Variants in RBFOX1 observed in about 807,000 individuals in gnomAD.
The protein encoded by RBFOX1 is RNA binding fox-1 homolog 1.
In RBFOX1, 8 loss-of-function variants were observed where a neutral mutation model predicts 57.7. That is an observed-to-expected ratio of 0.14 (90% confidence interval 0.08 to 0.25). RBFOX1 has a LOEUF of 0.25. Among genes scored for constraint, RBFOX1 ranks in the 10% least tolerant of loss-of-function variants. RBFOX1 has a pLI of 1.00. For missense variants in RBFOX1, 611 were observed against 548.5 expected, an observed-to-expected ratio of 1.11 and a Z score of -1.14; for synonymous variants, 326 against 222.4, an observed-to-expected ratio of 1.47 and a Z score of -4.15.
chr16:5,596,871 T>A (rs2047199926), intron 2 of RBFOX1, among the ~76,000 whole-genome samples: 1 of 141,518 alleles, frequency 7.1e-6, no homozygotes, highest in African/African-American at 2.6e-5. Context: ...GCAGGGGACA[T>A]CATTTGTGTT....
chr16:6,977,937 G>GAA (rs1555705863), intron 3 of RBFOX1, among the ~76,000 whole-genome samples: 7 of 79,468 alleles, frequency 8.8e-5, no homozygotes, highest in South Asian at 8.0e-4. Flanking sequence ...CCTCCCCAGG[G>GAA]AAAAAAAAAA....
chr16:7,398,446 T>C lies in RBFOX1; in HGVS notation c.28-119701T>C, dbSNP rs577806585. Among the ~76,000 whole-genome samples the C allele has an allele frequency of 4.8e-4, 73 of 152,356 alleles. 2 individuals are homozygous for C. The South Asian group carries it at 0.015, about 31-fold the overall frequency. On this transcript the variant is annotated intron_variant, in intron 4 of 15. Transcript: ENST00000550418. Reference sequence around the variant, plus strand: ...TTAAAGAATCTCAATATATGGTGGCTATGATTATTGCTATTCTTATATTAA... The same window carrying C: ...TTAAAGAATCTCAATATATGGTGGCCATGATTATTGCTATTCTTATATTAA...
chr16:7,284,551 G>A (rs919735368), intron 4 of RBFOX1, among the ~76,000 whole-genome samples: 2 of 152,024 alleles, frequency 1.3e-5, no homozygotes, highest in Non-Finnish European at 2.9e-5. Flanking sequence ...GATTGATCTC[G>A]ATCTCCTGGC....
chr16:6,691,185 C>T (rs551374090), intron 3 of RBFOX1, among the ~76,000 whole-genome samples: 1 of 152,274 alleles, frequency 6.6e-6, no homozygotes, highest in South Asian at 2.1e-4. Context: ...CTGCTATTAG[C>T]TGTGGGGGAG....
In RBFOX1 at chr16:5,577,589, A is replaced by G. The variant is rs562657810; in HGVS notation, c.259-21313A>G. On this transcript the variant is annotated intron_variant, in intron 2 of 2. Transcript: ENST00000585867. ...ATGTGCCCCACAAATGATTTTAACCACTATTCTGTTACTACATGTTTGCAA... is the reference window on the plus strand; with the variant it reads ...ATGTGCCCCACAAATGATTTTAACCGCTATTCTGTTACTACATGTTTGCAA... 5.3e-5 allele frequency among the ~76,000 whole-genome samples: 8 copies of G among 152,186 alleles called. No individual in the cohort carries two copies. The South Asian group carries it at 8.3e-4, about 16-fold the overall frequency.
At chr16:5,316,098 C>T (rs1005493871) in intron 1 of RBFOX1, among the ~76,000 whole-genome samples, 1 of 152,236 alleles carries the variant, frequency 6.6e-6, no homozygotes, top group Admixed American at 6.5e-5. Context: ...CAGCAAACCA[C>T]ACTCCCCTGC....
chr16:7,478,943 T>C (rs1015804578), intron 4 of RBFOX1, among the ~76,000 whole-genome samples: 3 of 151,978 alleles, frequency 2.0e-5, no homozygotes, highest in African/African-American at 7.3e-5. Flanking sequence ...TTTCGTTTGT[T>C]CCCGTGCGGA....
At position 5,375,740 on chromosome 16, in the gene RBFOX1, G is replaced by A. The variant is rs147974409; in HGVS notation, c.220-91476G>A. ...AATGGGAAACATCTTTGGTGGTGGT[G>A]GGCCGGATTTGGCCTGCCAGCTGCA... On this transcript the variant is annotated intron_variant, in intron 1 of 2. Coordinates refer to the RBFOX1 transcript ENST00000585867. Among the ~76,000 whole-genome samples, 30 of 152,330 alleles carry A rather than the reference G, an allele frequency of 2.0e-4. No individual in the cohort carries two copies. In the East Asian group the frequency reaches 5.6e-3, roughly 28 times the overall value.
chr16:5,372,071 C>T (rs1331276092), intron 1 of RBFOX1, among the ~76,000 whole-genome samples: 1 of 152,218 alleles, frequency 6.6e-6, no homozygotes, highest in Admixed American at 6.5e-5. Context: ...TCCATGCCGG[C>T]TTCAGATATT....
At chr16:6,933,941 G>T (rs1249008099) in intron 3 of RBFOX1, among the ~76,000 whole-genome samples, 1 of 152,102 alleles carries the variant, frequency 6.6e-6, no homozygotes, top group Non-Finnish European at 1.5e-5. Flanking sequence ...ACAACAACAT[G>T]GTATTGAAAA....
chr16:5,929,975 G>A (rs1303197583), intron 4 of RBFOX1, among the ~76,000 whole-genome samples: 2 of 152,080 alleles, frequency 1.3e-5, no homozygotes, highest in East Asian at 2.0e-4. Flanking sequence ...CAGGAAAGGA[G>A]AAAGACGGAT....
At chr16:5,772,875 G>A (rs56322241) in intron 3 of RBFOX1, among the ~76,000 whole-genome samples, 1 of 152,142 alleles carries the variant, frequency 6.6e-6, no homozygotes, top group Non-Finnish European at 1.5e-5. Context: ...GAGGTCAAGA[G>A]TAGACCAGTA....
At chr16:6,522,765 T>C (rs1479685131) in intron 2 of RBFOX1, among the ~76,000 whole-genome samples, 1 of 152,204 alleles carries the variant, frequency 6.6e-6, no homozygotes, top group Non-Finnish European at 1.5e-5. Flanking sequence ...TAACCCATTT[T>C]TATGCCTTCC....
In RBFOX1 at chr16:7,013,036, T is replaced by C. The variant is rs545834461; in HGVS notation, c.-15-39021T>C. Reference sequence around the variant, plus strand: ...AGAGAGAGAAAGCAAGCCCTCTCTTTCTCTCCTTTTAAGGGCAGTAATCCC... The same window carrying C: ...AGAGAGAGAAAGCAAGCCCTCTCTTCCTCTCCTTTTAAGGGCAGTAATCCC... On this transcript the variant is annotated intron_variant, in intron 3 of 15. Transcript: ENST00000550418. Among the ~76,000 whole-genome samples, 5 of 152,246 alleles carry C rather than the reference T, an allele frequency of 3.3e-5. No individual in the cohort carries two copies. In the South Asian group the frequency reaches 1.0e-3, roughly 32 times the overall value.
intron 3 of RBFOX1, among the ~76,000 whole-genome samples, chr16:6,934,905 G>A (rs982718587): frequency 6.6e-6 from 1 of 152,030 alleles, no homozygotes; most frequent in Non-Finnish European, 1.5e-5. Flanking sequence ...AGGCAACATG[G>A]TGAAACCCTG....
intron 1 of RBFOX1, among the ~76,000 whole-genome samples, chr16:6,284,216 T>C (rs894786717): frequency 1.3e-5 from 2 of 152,236 alleles, no homozygotes; most frequent in Non-Finnish European, 2.9e-5. Flanking sequence ...ATATTCTTTT[T>C]CATGCTTTGG....
intron 3 of RBFOX1, among the ~76,000 whole-genome samples, chr16:5,702,475 ATCAAT>A (rs2051088573): frequency 6.6e-6 from 1 of 152,222 alleles, no homozygotes; most frequent in African/African-American, 2.4e-5. Flanking sequence ...CACCTTGGTA[ATCAAT>A]TAGCTAGGCC....
intron 4 of RBFOX1, among the ~76,000 whole-genome samples, chr16:7,497,215 A>G (rs7197743): frequency 0.18 from 26,620 of 151,982 alleles, 3,589 homozygotes; most frequent in East Asian, 0.53. Context: ...TATGCCCACA[A>G]CCTTATTTTC....
intron 3 of RBFOX1, among the ~76,000 whole-genome samples, chr16:5,664,064 G>A (rs947218192): frequency 2.0e-5 from 3 of 152,190 alleles, no homozygotes; most frequent in South Asian, 2.1e-4. Context: ...GTCTTCTCTC[G>A]TAGAGACCCA....
Sources: gnomAD v4.1 joint callset for allele counts (sites outside exome capture counted in the v4.1 genomes callset) on GRCh38, gnomAD v4.1.1 for gene constraint, MANE v1.5 for transcripts, NCBI Gene and HGNC (gene_info 2026-07-23, HGNC 2026-07-21) for gene names.